CATSPERT: variants seen among roughly 807,000 people sequenced by gnomAD.
CATSPERT encodes the protein cation channel sperm-associated targeting subunit tau.
At chr2:201,523,327 G>T in the CATSPERT span, among the ~76,000 whole-genome samples, 5 of 152,332 alleles carry the variant, frequency 3.3e-5, no homozygotes, top group African/African-American at 1.2e-4. Flanking sequence ...GAACAAAGCA[G>T]TGTGCCTGGT....
chr2:201,599,847 A>G, the CATSPERT span, among the ~76,000 whole-genome samples: 1 of 152,218 alleles, frequency 6.6e-6, no homozygotes, highest in Admixed American at 6.5e-5. Flanking sequence ...AAATGGACAT[A>G]TATCCCCCAA....
the CATSPERT span, among the ~76,000 whole-genome samples, chr2:201,507,681 A>G: frequency 2.3e-3 from 356 of 152,352 alleles, no homozygotes; most frequent in African/African-American, 8.3e-3. Flanking sequence ...AGCATGTTGT[A>G]TTAGTCCATT....
the CATSPERT span, chr2:201,535,244 A>T: frequency 1.0e-6 from 1 of 984,980 alleles, no homozygotes; most frequent in East Asian, 1.1e-4. Context: ...AGGTCTAGAG[A>T]CTTAGATGCC....
the CATSPERT span, among the ~76,000 whole-genome samples, chr2:201,593,985 G>A: frequency 6.6e-6 from 1 of 151,928 alleles, no homozygotes; most frequent in African/African-American, 2.4e-5. Context: ...TACATTTAAG[G>A]TTAATATTGT....
At chr2:201,571,477 C>T in the CATSPERT span, among the ~76,000 whole-genome samples, 1 of 152,112 alleles carries the variant, frequency 6.6e-6, no homozygotes, top group South Asian at 2.1e-4. Flanking sequence ...TTGCTAATGA[C>T]ATTTGTTTTA....
At chr2:201,589,442 A>G in the CATSPERT span, among the ~76,000 whole-genome samples, 1 of 152,194 alleles carries the variant, frequency 6.6e-6, no homozygotes, top group African/African-American at 2.4e-5. Context: ...GAACCCAGAA[A>G]TAAGACCACA....
chr2:201,500,444 G>A, the CATSPERT span, among the ~76,000 whole-genome samples: 1 of 152,112 alleles, frequency 6.6e-6, no homozygotes. Context: ...AACCCGGGAG[G>A]TGGAGGTTGC....
chr2:201,611,973 A>T, the CATSPERT span, among the ~76,000 whole-genome samples: 2 of 152,206 alleles, frequency 1.3e-5, no homozygotes, highest in Non-Finnish European at 2.9e-5. Flanking sequence ...ACTCTGTAAT[A>T]ACCTCAGGAA....
chr2:201,527,468 A>G, the CATSPERT span, among the ~76,000 whole-genome samples: 1 of 152,224 alleles, frequency 6.6e-6, no homozygotes. Context: ...TTAAGCAGAA[A>G]GAACAAAGCT....
the CATSPERT span, among the ~76,000 whole-genome samples, chr2:201,527,382 A>G: frequency 6.6e-6 from 1 of 152,198 alleles, no homozygotes; most frequent in Non-Finnish European, 1.5e-5. Context: ...CACCAATGAC[A>G]TTCTTTGCAG....
chr2:201,588,336 G>C, the CATSPERT span, among the ~76,000 whole-genome samples: 1 of 151,784 alleles, frequency 6.6e-6, no homozygotes, highest in South Asian at 2.1e-4. Context: ...AGGTTGGTTT[G>C]ACGTATACAA....
At chr2:201,594,559 T>C in the CATSPERT span, among the ~76,000 whole-genome samples, 1 of 152,228 alleles carries the variant, frequency 6.6e-6, no homozygotes, top group Non-Finnish European at 1.5e-5. Flanking sequence ...TCCTGGATAA[T>C]ATGCTGCAGA....
At chr2:201,560,423 AAATAAT>A in the CATSPERT span, among the ~76,000 whole-genome samples, 6,647 of 126,214 alleles carry the variant, frequency 0.053, 193 homozygotes, top group Middle Eastern at 0.1. Context: ...ACTCTGTCTC[AAATAAT>A]AATAATAATA....
At chr2:201,523,475 C>CAA in the CATSPERT span, among the ~76,000 whole-genome samples, 1 of 152,150 alleles carries the variant, frequency 6.6e-6, no homozygotes, top group Non-Finnish European at 1.5e-5. Flanking sequence ...TCAAAGAATA[C>CAA]AAAAGCAAGA....
chr2:201,613,756 T>G, the CATSPERT span, among the ~76,000 whole-genome samples: 1 of 151,484 alleles, frequency 6.6e-6, no homozygotes, highest in Admixed American at 6.6e-5. Flanking sequence ...ATAACAAACT[T>G]CTCCGAGCTA....
chr2:201,491,823 A>AC, the CATSPERT span: 1 of 1,536,942 alleles, frequency 6.5e-7, no homozygotes, highest in East Asian at 2.4e-5. Context: ...TTGATTTACC[A>AC]CCCCAACTAT....
At chr2:201,518,445 A>G in the CATSPERT span, among the ~76,000 whole-genome samples, 1 of 152,238 alleles carries the variant, frequency 6.6e-6, no homozygotes, top group African/African-American at 2.4e-5. Flanking sequence ...TCATCTATAC[A>G]GTGAAACTTG....
At chr2:201,618,975 AG>A in the CATSPERT span, 1 of 1,613,922 alleles carries the variant, frequency 6.2e-7, no homozygotes, top group South Asian at 1.1e-5. Flanking sequence ...TCAGGGCGTA[AG>A]GGACCGAAGA....
the CATSPERT span, chr2:201,492,834 A>G: frequency 6.5e-7 from 1 of 1,536,582 alleles, no homozygotes; most frequent in Non-Finnish European, 8.7e-7. Context: ...CCTTGGTGAT[A>G]TGTCCTGATT....
Sources: allele counts gnomAD v4.1 joint callset (sites outside exome capture counted in the v4.1 genomes callset), GRCh38; gene constraint gnomAD v4.1.1; transcripts MANE v1.5; gene names NCBI Gene and HGNC (gene_info 2026-07-23, HGNC 2026-07-21).